The following LMO7 variants were observed in gnomAD, a reference collection of about 807,000 sequenced individuals.
LMO7 encodes the protein LIM domain only protein 7.
In LMO7, 120 loss-of-function variants were observed where a neutral mutation model predicts 206.5. The ratio of observed to expected loss-of-function variants is 0.58; its 90% CI spans 0.50 to 0.68. The LOEUF (loss-of-function observed/expected upper bound fraction) is 0.68. Among genes scored for constraint, LMO7 ranks in the 30% least tolerant of loss-of-function variants. The probability of loss-of-function intolerance (pLI) is 0.00; values close to 1 mark genes in which losing one functional copy is unlikely to be tolerated. For missense variants in LMO7, 1,959 were observed against 1,957.9 expected, an observed-to-expected ratio of 1.00 and a Z score of -0.01; for synonymous variants, 706 against 681.5, an observed-to-expected ratio of 1.04 and a Z score of -0.56.
rs113019306 is a variant in LMO7 at position 75,738,026 on chromosome 13, G to A, written c.210+10928G>A. Among the ~76,000 whole-genome samples, 412 of 151,830 alleles carry A rather than the reference G, an allele frequency of 2.7e-3. 3 individuals are homozygous for A. The highest frequency in any genetic ancestry group is 9.7e-3 in the African/African-American group (402 of 41,422). On this transcript the variant is annotated intron_variant, in intron 3 of 30. Coordinates refer to ENST00000377534, the MANE Select transcript of LMO7 (RefSeq NM_001306080.2). ...AGGTCACTGGCCAGCCTGTGGATGA[G>A]TTCCATAAGAAGACAGTCGTCTTGG...
chr13:75,634,314 T>A (rs2035447380), upstream of LMO7, among the ~76,000 whole-genome samples: 1 of 152,042 alleles, frequency 6.6e-6, no homozygotes, highest in Admixed American at 6.5e-5. Context: ...GTCACTTGCC[T>A]GTAGTCGCAG....
chr13:75,772,389 G>A (rs2049875171), intron 4 of LMO7, among the ~76,000 whole-genome samples: 2 of 152,238 alleles, frequency 1.3e-5, no homozygotes, highest in Admixed American at 1.3e-4. Context: ...GCTATTAAAT[G>A]TATAAGTGAA....
At chr13:75,636,248 C>T (rs1415858958), upstream of LMO7, 4 of 832,200 alleles carry the variant, frequency 4.8e-6, no homozygotes, top group African/African-American at 2.9e-5. Context: ...GGCGACTCGG[C>T]GGGCCCCGGG....
chr13:75,718,161 CTG>C (rs1468587594), intron 2 of LMO7, among the ~76,000 whole-genome samples: 1 of 152,194 alleles, frequency 6.6e-6, no homozygotes, highest in Non-Finnish European at 1.5e-5. Context: ...GATGTAATAT[CTG>C]TGTCTAGCAA....
intron 3 of LMO7, among the ~76,000 whole-genome samples, chr13:75,731,179 A>G (rs1281210711): frequency 2.6e-5 from 4 of 152,028 alleles, no homozygotes; most frequent in African/African-American, 7.3e-5. Flanking sequence ...ATTCCTGGGT[A>G]TCCTTGTTGA....
intron 3 of LMO7, among the ~76,000 whole-genome samples, chr13:75,735,753 C>T (rs1254233976): frequency 2.0e-5 from 3 of 151,684 alleles, no homozygotes; most frequent in East Asian, 3.9e-4. Context: ...GAATTACAAG[C>T]GTGAGCCACT....
At chr13:75,744,366 T>A (rs2046661260) in intron 3 of LMO7, among the ~76,000 whole-genome samples, 1 of 152,240 alleles carries the variant, frequency 6.6e-6, no homozygotes, top group Non-Finnish European at 1.5e-5. Context: ...CCTGCCTGTT[T>A]TTAAATCTAA....
intron 1 of LMO7, among the ~76,000 whole-genome samples, chr13:75,649,860 A>G (rs1050607900): frequency 3.9e-5 from 6 of 152,240 alleles, no homozygotes; most frequent in South Asian, 4.1e-4. Flanking sequence ...TGTTTTAGAA[A>G]CACTTGATCC....
chr13:75,754,207 CT>C (rs1249703899), intron 3 of LMO7, among the ~76,000 whole-genome samples: 1 of 152,224 alleles, frequency 6.6e-6, no homozygotes, highest in East Asian at 1.9e-4. Flanking sequence ...CATTCAGCTT[CT>C]GGCAACTACC....
At chr13:75,809,291 T>A in intron 11 of LMO7, 108 bp downstream of exon 11, 1 of 882,524 alleles carries the variant, frequency 1.1e-6, no homozygotes, top group Non-Finnish European at 1.8e-6. Flanking sequence ...TTGTGTGCTG[T>A]GCATGATATT....
intron 9 of LMO7, 34 bp downstream of exon 9, chr13:75,805,794 G>A (rs1330944147): frequency 1.2e-6 from 2 of 1,600,596 alleles, no homozygotes; most frequent in African/African-American, 1.3e-5. Context: ...TCACACCAGT[G>A]TTCATTCAGT....
chr13:75,760,317 T>A, intron 3 of LMO7: 1 of 981,482 alleles, frequency 1.0e-6, no homozygotes, highest in Non-Finnish European at 1.2e-6. Context: ...GAGTGAGTAA[T>A]GTGCCACACA....
intron 1 of LMO7, among the ~76,000 whole-genome samples, chr13:75,666,555 C>T (rs371933239): frequency 6.6e-6 from 1 of 152,150 alleles, no homozygotes; most frequent in African/African-American, 2.4e-5. Context: ...TTCCTAAGGC[C>T]ATTCCAGGCT....
intron 3 of LMO7, among the ~76,000 whole-genome samples, chr13:75,743,846 AAG>A (rs1212644524): frequency 3.3e-5 from 5 of 152,062 alleles, no homozygotes; most frequent in Non-Finnish European, 7.4e-5. Flanking sequence ...AGGTTAAAAA[AAG>A]AACAAAAACC....
intron 14 of LMO7, among the ~76,000 whole-genome samples, chr13:75,822,569 A>C (rs1240134943): frequency 6.6e-6 from 1 of 151,800 alleles, no homozygotes; most frequent in Non-Finnish European, 1.5e-5. Flanking sequence ...GAGGGGATTC[A>C]AATGTCTGGT....
chr13:75,688,783 CCTGA>C (rs1404786941), intron 1 of LMO7: 1 of 152,008 alleles, frequency 6.6e-6, no homozygotes, highest in Non-Finnish European at 1.5e-5. Flanking sequence ...CTCTCAAAGG[CCTGA>C]CTTACTCATT....
chr13:75,852,902 TATG>T (rs765636609), intron 27 of LMO7, among the ~76,000 whole-genome samples, 187 bp from the exon 28 acceptor site: 2 of 152,202 alleles, frequency 1.3e-5, no homozygotes, highest in Non-Finnish European at 2.9e-5. Flanking sequence ...ATTTTCAACT[TATG>T]ATGGGTTTAT....
At chr13:75,804,930 C>G in intron 8 of LMO7, 1 of 1,003,696 alleles carries the variant, frequency 1.0e-6, no homozygotes, top group Non-Finnish European at 1.2e-6. Flanking sequence ...TTTTGCAAAT[C>G]CAGCTTCCTC....
intron 21 of LMO7, 43 bp downstream of exon 21, chr13:75,840,153 TG>T: frequency 6.3e-7 from 1 of 1,591,688 alleles, no homozygotes; most frequent in Non-Finnish European, 8.6e-7. Flanking sequence ...GTGAACTTGG[TG>T]GGACTGAATT....
Sources: gnomAD v4.1 joint callset for allele counts (sites outside exome capture counted in the v4.1 genomes callset) on GRCh38, gnomAD v4.1.1 for gene constraint, MANE v1.5 for transcripts, NCBI Gene and HGNC (gene_info 2026-07-23, HGNC 2026-07-21) for gene names.